Variants in ZSCAN5A observed in about 807,000 individuals in gnomAD.
ZSCAN5A encodes the protein zinc finger and SCAN domain-containing protein 5A.
In ZSCAN5A, 12 loss-of-function variants were observed where a neutral mutation model predicts 23.7. The ratio of observed to expected loss-of-function variants is 0.51; its 90% confidence interval spans 0.32 to 0.82. The LOEUF (loss-of-function observed/expected upper bound fraction) is 0.82. ZSCAN5A is among the 40% of genes least tolerant of loss of function. The pLI is 0.03. For synonymous variants in ZSCAN5A, 257 were observed against 239.9 expected (o/e 1.07, Z -0.66); for missense variants, 597 against 617.9 (o/e 0.97, Z 0.36).
chr19:56,275,873 G>T (rs1299584579), intron 2 of ZSCAN5A, among the ~76,000 whole-genome samples: 1 of 152,252 alleles, frequency 6.6e-6, no homozygotes, highest in Non-Finnish European at 1.5e-5. Context: ...GTGAATGTTG[G>T]TTGGATGGAT....
chr19:56,348,562 A>C (rs1349877084), intron 2 of ZSCAN5A, among the ~76,000 whole-genome samples: 1 of 152,232 alleles, frequency 6.6e-6, no homozygotes, highest in African/African-American at 2.4e-5. Context: ...AGCTGAGCTA[A>C]TAGCTCTTAC....
At chr19:56,260,985 A>T (rs910126348) in intron 2 of ZSCAN5A, among the ~76,000 whole-genome samples, 1 of 152,160 alleles carries the variant, frequency 6.6e-6, no homozygotes, top group South Asian at 2.1e-4. Context: ...AGGCGGGTGG[A>T]TCATCTGAGG....
intron 2 of ZSCAN5A, among the ~76,000 whole-genome samples, chr19:56,229,749 CTTT>C (rs1303911173): frequency 6.6e-6 from 1 of 151,826 alleles, no homozygotes; most frequent in East Asian, 1.9e-4. Context: ...TTTTGGTGGT[CTTT>C]TTTGTTTTTT....
chr19:56,223,781 C>G lies in ZSCAN5A; in HGVS notation c.438G>C (p.Glu146Asp). The change falls in exon 4 of 6, where the codon GAG (glutamate) becomes GAC (aspartate). Residue 146 changes from glutamate to aspartate, a missense_variant. By Grantham distance (45) the Glu-to-Asp change is conservative. Around this residue, in one of 5 missense-constraint regions of ZSCAN5A, gnomAD observed 406 missense variants for 353.2 expected, o/e 1.15. Coordinates refer to ENST00000683990, the MANE Select transcript of ZSCAN5A (RefSeq NM_001322064.3). ...TGACACTGGAGGGGGCTTCAGCCAT[C>G]TCGATATCTGAGTCCTGCACAATAT... ...KEYIVQDSDI[E>D]MAEAPSSVRD... 3 of 1,613,932 alleles carry G rather than the reference C, an allele frequency of 1.9e-6. No homozygotes were observed. Among genetic ancestry groups the G allele is most frequent in the Non-Finnish European group, 2.5e-6 (3 of 1,180,028 alleles).
At chr19:56,244,190 T>C in intron 2 of ZSCAN5A, 1 of 1,612,080 alleles carries the variant, frequency 6.2e-7, no homozygotes, top group Middle Eastern at 1.6e-4. Flanking sequence ...CTTCAGGATG[T>C]TCAGCTGCCC....
At chr19:56,264,348 T>G (rs1015396621) in intron 2 of ZSCAN5A, among the ~76,000 whole-genome samples, 7 of 152,088 alleles carry the variant, frequency 4.6e-5, no homozygotes, top group African/African-American at 1.7e-4. Flanking sequence ...GGATTGGGAT[T>G]TACACCTGGA....
chr19:56,271,145 CGTA>C (rs1251165105), intron 2 of ZSCAN5A, among the ~76,000 whole-genome samples: 1 of 152,158 alleles, frequency 6.6e-6, no homozygotes, highest in Non-Finnish European at 1.5e-5. Context: ...AAAATCGAAA[CGTA>C]GGACTAATCA....
rs541958942 is a variant in ZSCAN5A, at chr19:56,259,154, T to C, written c.-127-33981A>G. Among the ~76,000 whole-genome samples, 8 of 152,306 alleles carry C rather than the reference T, an allele frequency of 5.3e-5. No homozygotes were observed. The East Asian group carries it at 9.6e-4, about 18-fold the overall frequency. On this transcript the variant is annotated intron_variant, in intron 2 of 5. Coordinates refer to ENST00000683990, the MANE Select transcript of ZSCAN5A (RefSeq NM_001322064.3). ...CACTGAGTTTTGGGGTGATGTGTTATACAGCTACAGATAACTGGAACAGCA... is the reference window on the plus strand; with the variant it reads ...CACTGAGTTTTGGGGTGATGTGTTACACAGCTACAGATAACTGGAACAGCA...
At chr19:56,263,699 G>A (rs1357945250) in intron 2 of ZSCAN5A, 2 of 152,182 alleles carry the variant, frequency 1.3e-5, no homozygotes, top group African/African-American at 4.8e-5. Flanking sequence ...GAAGGGAGGC[G>A]AGAGAGGAGA....
intron 2 of ZSCAN5A, among the ~76,000 whole-genome samples, chr19:56,251,565 T>C (rs1371345862): frequency 6.6e-6 from 1 of 152,046 alleles, no homozygotes; most frequent in Non-Finnish European, 1.5e-5. Flanking sequence ...AATAGTTTTG[T>C]GTGTGTGTGT....
At chr19:56,364,348 T>C (rs1030497205) in intron 1 of ZSCAN5A, among the ~76,000 whole-genome samples, 1 of 152,226 alleles carries the variant, frequency 6.6e-6, no homozygotes, top group East Asian at 1.9e-4. Context: ...TCAGCTATTG[T>C]AGGCCAATAA....
chr19:56,348,725 T>C (rs2041649659), intron 2 of ZSCAN5A, among the ~76,000 whole-genome samples: 2 of 152,190 alleles, frequency 1.3e-5, no homozygotes, highest in African/African-American at 4.8e-5. Context: ...CACCAGGAAA[T>C]TAGCAGGTTA....
chr19:56,222,727 C>G lies in ZSCAN5A; in HGVS notation c.603G>C (p.Leu201=), dbSNP rs527674624. 6.2e-7 allele frequency: 1 copy of G among 1,614,112 alleles called. No individual in the cohort carries two copies. The highest frequency in any genetic ancestry group is 1.3e-5 in the African/African-American group (1 of 75,006). The change falls in exon 5 of 6, where the codon CTG becomes CTC. Residue 201 remains leucine, a synonymous_variant. Transcript: ENST00000683990. ...ALSRRQGEDF[L]LHKSIDVTGD... ...CTGTTACGTCAATACTCTTGTGTAGCAGAAAGTCCTCTCCCTGAAGAGGAA... is the reference window on the plus strand; with the variant it reads ...CTGTTACGTCAATACTCTTGTGTAGGAGAAAGTCCTCTCCCTGAAGAGGAA...
At chr19:56,294,907 A>G (rs930131204) in intron 2 of ZSCAN5A, among the ~76,000 whole-genome samples, 1 of 152,238 alleles carries the variant, frequency 6.6e-6, no homozygotes, top group African/African-American at 2.4e-5. Flanking sequence ...CTCTGTCTCT[A>G]CGACATGTCC....
At chr19:56,238,089 C>T (rs1049686471) in intron 2 of ZSCAN5A, among the ~76,000 whole-genome samples, 50 of 73,634 alleles carry the variant, frequency 6.8e-4, no homozygotes, top group South Asian at 1.5e-3. Flanking sequence ...GAGACACACC[C>T]GGACACACGG....
rs114837716 is a variant in ZSCAN5A at position 56,258,190 on chromosome 19, G to A, written c.-127-33017C>T. ...AGGACTCAGCTCCCACCCGCCTCTT[G>A]GTGCTATAACAGGGTAGTGAGGGGG... On this transcript the variant is annotated intron_variant, in intron 2 of 5. Coordinates refer to ENST00000683990, the MANE Select transcript of ZSCAN5A (RefSeq NM_001322064.3). Among the ~76,000 whole-genome samples, 717 of 152,254 alleles carry A rather than the reference G, an allele frequency of 4.7e-3. 6 individuals are homozygous for A. Among genetic ancestry groups the A allele is most frequent in the African/African-American group, 0.016 (658 of 41,502 alleles).
At chr19:56,322,632 T>A (rs1011287720) in intron 2 of ZSCAN5A, among the ~76,000 whole-genome samples, 1 of 152,202 alleles carries the variant, frequency 6.6e-6, no homozygotes, top group Non-Finnish European at 1.5e-5. Flanking sequence ...CATCTTGATA[T>A]CTATCTATAG....
intron 2 of ZSCAN5A, chr19:56,347,675 C>T (rs184348317): frequency 1.3e-5 from 2 of 152,352 alleles, no homozygotes; most frequent in East Asian, 1.9e-4. Context: ...CTCCTTATCC[C>T]GTAATTCAGT....
intron 2 of ZSCAN5A, among the ~76,000 whole-genome samples, chr19:56,344,873 G>A (rs1406434277): frequency 8.2e-6 from 1 of 122,128 alleles, no homozygotes; most frequent in African/African-American, 3.3e-5. Context: ...ACTGCAGTCC[G>A]CAGTCCGGCC....
Sources: gnomAD v4.1 joint callset for allele counts (sites outside exome capture counted in the v4.1 genomes callset) on GRCh38, gnomAD v4.1.1 for gene constraint, gnomAD v4.1.1 regional missense constraint, MANE v1.5 for transcripts, NCBI Gene and HGNC (gene_info 2026-07-23, HGNC 2026-07-21) for gene names.